The following PRKG1 variants were observed in gnomAD, a reference collection of about 807,000 sequenced individuals.
PRKG1 encodes the protein protein kinase cGMP-dependent 1, also known as cGMP-dependent protein kinase 1.
A neutral mutation model predicts 88.1 loss-of-function variants in PRKG1; 35 were observed. That is an observed-to-expected ratio of 0.40 (90% CI 0.30 to 0.53). PRKG1 has a LOEUF of 0.53. Ranked by LOEUF, PRKG1 falls within the 20% of genes least tolerant of loss-of-function variation. PRKG1 has a pLI of 0.59. For synonymous variants in PRKG1, 303 were observed against 292.5 expected, an observed-to-expected ratio of 1.04 and a Z score of -0.37; for missense variants, 540 against 839.8, an observed-to-expected ratio of 0.64 and a Z score of 4.41.
chr10:51,287,042 T>C (rs1840459211), intron 2 of PRKG1, among the ~76,000 whole-genome samples: 1 of 152,134 alleles, frequency 6.6e-6, no homozygotes. Context: ...CACGCTTTGC[T>C]AACTTTAATA....
At chr10:51,563,587 G>C (rs1471508581) in intron 3 of PRKG1, among the ~76,000 whole-genome samples, 1 of 151,362 alleles carries the variant, frequency 6.6e-6, no homozygotes, top group African/African-American at 2.4e-5. Flanking sequence ...ATACACTGCA[G>C]CTGTAACAAC....
At chr10:51,334,883 C>G (rs189883427) in intron 2 of PRKG1, among the ~76,000 whole-genome samples, 1 of 151,566 alleles carries the variant, frequency 6.6e-6, no homozygotes, top group Non-Finnish European at 1.5e-5. Flanking sequence ...AGAAGACTTT[C>G]AGACAGATGT....
intron 3 of PRKG1, among the ~76,000 whole-genome samples, chr10:51,624,161 G>A (rs1240692070): frequency 6.6e-6 from 1 of 152,082 alleles, no homozygotes; most frequent in Non-Finnish European, 1.5e-5. Context: ...TACATTTGGG[G>A]CTGTATTCTG....
intron 4 of PRKG1, among the ~76,000 whole-genome samples, chr10:51,829,173 T>A (rs1388745105): frequency 1.3e-5 from 2 of 152,222 alleles, no homozygotes; most frequent in Non-Finnish European, 2.9e-5. Context: ...AGGGATGCAT[T>A]ACAATATGGC....
At chr10:51,543,818 T>C (rs1589062319) in intron 3 of PRKG1, among the ~76,000 whole-genome samples, 2 of 152,166 alleles carry the variant, frequency 1.3e-5, no homozygotes, top group East Asian at 3.9e-4. Context: ...ATAGAGATTG[T>C]CCTTCAAATC....
Position 50,991,923 on chromosome 10 carries a change from A to C in PRKG1, c.266+279A>C, listed in dbSNP as rs1564564441. Among the ~76,000 whole-genome samples, 1 of 151,302 alleles carries C rather than the reference A, an allele frequency of 6.6e-6. No individual in the cohort carries two copies. On this transcript the variant is annotated intron_variant, in intron 1 of 17. Coordinates refer to the PRKG1 transcript ENST00000401604. The surrounding 1 kb of genome is among the most constrained non-coding windows in gnomAD (Gnocchi z 4.5). ...TGGGGAGGAGGACCGCGGAAAGTTT[A>C]CTCGCGCGGGCTAACTTGTGCCCTC...
intron 7 of PRKG1, among the ~76,000 whole-genome samples, chr10:52,124,181 G>C (rs932097346): frequency 1.3e-5 from 2 of 152,044 alleles, no homozygotes; most frequent in African/African-American, 4.8e-5. Flanking sequence ...CAATTTAAAT[G>C]GTGTTATTTA....
chr10:51,757,680 T>A (rs1358024483), intron 3 of PRKG1, among the ~76,000 whole-genome samples: 1 of 152,220 alleles, frequency 6.6e-6, no homozygotes, highest in African/African-American at 2.4e-5. Flanking sequence ...AAATGCATAC[T>A]GGATTTCAAA....
intron 2 of PRKG1, among the ~76,000 whole-genome samples, chr10:51,423,396 A>G (rs1008983951): frequency 6.6e-6 from 1 of 152,204 alleles, no homozygotes; most frequent in African/African-American, 2.4e-5. Flanking sequence ...TGCTTTCTTC[A>G]TATCTCTTTG....
intron 2 of PRKG1, among the ~76,000 whole-genome samples, chr10:51,462,523 A>G (rs1839772570): frequency 2.0e-5 from 3 of 152,196 alleles, no homozygotes; most frequent in Admixed American, 2.0e-4. Flanking sequence ...AATGCTTAAC[A>G]TCTTCCAAGG....
At chr10:51,591,971 G>A (rs1218060354) in intron 3 of PRKG1, among the ~76,000 whole-genome samples, 1 of 152,076 alleles carries the variant, frequency 6.6e-6, no homozygotes, top group African/African-American at 2.4e-5. Flanking sequence ...CCCCCTGTTA[G>A]GGGGGAAAAC....
intron 1 of PRKG1, among the ~76,000 whole-genome samples, chr10:51,084,752 A>G (rs1037448727): frequency 6.6e-6 from 1 of 152,194 alleles, no homozygotes; most frequent in African/African-American, 2.4e-5. Flanking sequence ...GTTAAGAAGT[A>G]ACATTGTACT....
intron 5 of PRKG1, among the ~76,000 whole-genome samples, chr10:51,934,838 A>G (rs1023938443): frequency 2.0e-5 from 3 of 152,172 alleles, no homozygotes; most frequent in African/African-American, 7.2e-5. Flanking sequence ...TTTTTGTCAC[A>G]GAGAAATTGA....
intron 2 of PRKG1, among the ~76,000 whole-genome samples, chr10:51,400,239 A>G (rs567730586): frequency 1.2e-3 from 187 of 152,350 alleles, no homozygotes; most frequent in Non-Finnish European, 1.5e-4. Flanking sequence ...ATGAATAAAT[A>G]AATAAATAAA....
chr10:51,897,742 C>T (rs1165407612), intron 4 of PRKG1, among the ~76,000 whole-genome samples: 3 of 152,108 alleles, frequency 2.0e-5, no homozygotes, highest in Non-Finnish European at 4.4e-5. Flanking sequence ...AGCTGCTCCT[C>T]ATCTCCTCCT....
intron 3 of PRKG1, among the ~76,000 whole-genome samples, chr10:51,524,471 T>A (rs1841825945): frequency 1.3e-5 from 2 of 152,236 alleles, no homozygotes; most frequent in South Asian, 4.1e-4. Flanking sequence ...GGGGTATGTC[T>A]GTGTAGCAAT....
At chr10:51,140,105 T>C (rs1471796856) in intron 1 of PRKG1, among the ~76,000 whole-genome samples, 1 of 152,230 alleles carries the variant, frequency 6.6e-6, no homozygotes, top group Non-Finnish European at 1.5e-5. Flanking sequence ...TTAGATTTCC[T>C]ATGGGGTGGC....
chr10:51,924,327 C>CT (rs1420710403), intron 5 of PRKG1, among the ~76,000 whole-genome samples: 3 of 152,002 alleles, frequency 2.0e-5, no homozygotes, highest in African/African-American at 7.2e-5. Flanking sequence ...GGTTGGTTTT[C>CT]TTTTTTCTCT....
chr10:51,336,228 C>G (rs1178120273), intron 2 of PRKG1, among the ~76,000 whole-genome samples: 6 of 152,046 alleles, frequency 3.9e-5, no homozygotes, highest in Admixed American at 3.9e-4. Context: ...TGGTATGCAC[C>G]TGTAATCCCA....
Sources: gnomAD v4.1 joint callset for allele counts (sites outside exome capture counted in the v4.1 genomes callset) on GRCh38, gnomAD v4.1.1 for gene constraint, Gnocchi (gnomAD v3.1) non-coding constraint, MANE v1.5 for transcripts, NCBI Gene and HGNC (gene_info 2026-07-23, HGNC 2026-07-21) for gene names.